Variants in RABGAP1 observed in about 807,000 individuals in gnomAD.
The protein encoded by RABGAP1 is rab GTPase-activating protein 1.
Under a neutral mutation model 137.6 loss-of-function variants are expected in RABGAP1, and 23 were observed. That is an observed-to-expected ratio of 0.17 (90% CI 0.12 to 0.24). RABGAP1 has a LOEUF of 0.24. Ranked by LOEUF, RABGAP1 falls within the 10% of genes least tolerant of loss-of-function variation. The pLI, the probability that RABGAP1 is intolerant of heterozygous loss-of-function variation, is 1.00. For missense variants in RABGAP1, 906 were observed against 1,275.8 expected (o/e 0.71, Z 4.42); for synonymous variants, 451 against 450.7 (o/e 1.00, Z -0.01).
intron 3 of RABGAP1, among the ~76,000 whole-genome samples, chr9:122,984,990 TC>T (rs1836290693): frequency 1.3e-4 from 1 of 7,612 alleles, no homozygotes; most frequent in Non-Finnish European, 2.4e-3. Context: ...TTTTTTTTTT[TC>T]CCCCCAGGAA....
intron 14 of RABGAP1, among the ~76,000 whole-genome samples, chr9:123,066,931 A>G (rs1200505320): frequency 6.6e-6 from 1 of 152,236 alleles, no homozygotes; most frequent in East Asian, 1.9e-4. Flanking sequence ...TTATTTATCA[A>G]TGTATTGTCA....
In RABGAP1 at chr9:123,015,621, A is replaced by G; in HGVS notation, c.1628A>G (p.Glu543Gly). 1 of 1,607,978 alleles carries G rather than the reference A, an allele frequency of 6.2e-7. No homozygotes were observed. Among genetic ancestry groups the G allele is most frequent in the Non-Finnish European group, 8.5e-7 (1 of 1,174,998 alleles). Reference protein sequence around the residue: ...CAEKILETWGELLSKWHLNLN... With the variant: ...CAEKILETWGGLLSKWHLNLN... Reference sequence around the variant, plus strand: ...GAAAAAATTCTTGAAACATGGGGAGAACTGTTGTCAAAATGGTAAGTTATG... The same window carrying G: ...GAAAAAATTCTTGAAACATGGGGAGGACTGTTGTCAAAATGGTAAGTTATG... Residue 543 changes from glutamate to glycine, a missense_variant, in exon 12 of 26, where the codon GAA (glutamate) becomes GGA (glycine). By Grantham distance (98) the Glu-to-Gly change is moderately conservative. This residue lies in a region of RABGAP1 where 212 missense variants were observed against 289.4 expected (regional missense o/e 0.73). Coordinates refer to ENST00000373647, the MANE Select transcript of RABGAP1 (RefSeq NM_012197.4).
rs762183060 is a variant in RABGAP1, at chr9:123,097,804, G to C, written c.2692G>C (p.Ala898Pro). 6.2e-7 allele frequency: 1 copy of C among 1,614,008 alleles called. No homozygotes were observed. Among genetic ancestry groups the C allele is most frequent in the Non-Finnish European group, 8.5e-7 (1 of 1,179,986 alleles). ...LLMTKQKLID[A>P]EEEKRRLEEE... ...GATGACCAAACAGAAGTTGATTGAT[G>C]CAGAAGAAGAGAAAAGACGGCTGGA... The change falls in exon 22 of 26, where the codon GCA becomes CCA. Residue 898 changes from alanine to proline, a missense_variant. Around this residue, in one of 9 missense-constraint regions of RABGAP1, gnomAD observed 193 missense variants for 248.1 expected, o/e 0.78. Transcript: ENST00000373647.
At chr9:123,027,744 C>T (rs1437766717) in intron 13 of RABGAP1, among the ~76,000 whole-genome samples, 1 of 152,130 alleles carries the variant, frequency 6.6e-6, no homozygotes, top group East Asian at 1.9e-4. Flanking sequence ...GTTGATTTTT[C>T]CTTAAGCTTT....
rs962181108 is a variant in RABGAP1, at chr9:123,097,664, T to C, written c.2629-77T>C. The C allele has an allele frequency of 1.3e-4, 164 of 1,229,746 alleles. No individual in the cohort carries two copies. The African/African-American group carries it at 2.2e-3, about 17-fold the overall frequency. The allele number at this position is 1,229,746 out of a possible 1,614,324, so 76.2% of individuals were successfully genotyped here. A position where few individuals can be genotyped will look rare whatever the true frequency, so the allele number is the denominator to read the frequency against. On this transcript the variant is annotated intron_variant, in intron 21 of 25. Coordinates refer to ENST00000373647, the MANE Select transcript of RABGAP1 (RefSeq NM_012197.4). ...TCAGAGTTTCCCCATCATCTTAAAATGGGATTATGCTAAGTAATGGAAATC... is the reference window on the plus strand; with the variant it reads ...TCAGAGTTTCCCCATCATCTTAAAACGGGATTATGCTAAGTAATGGAAATC...
chr9:122,980,022 C>G (rs570793791), intron 2 of RABGAP1, among the ~76,000 whole-genome samples: 1 of 152,342 alleles, frequency 6.6e-6, no homozygotes, highest in South Asian at 2.1e-4. Flanking sequence ...CCAGGTTCAA[C>G]AGACTATAGC....
rs1482227640 is a variant in RABGAP1 at position 122,984,602 on chromosome 9, G to A, written c.268G>A (p.Gly90Ser). The A allele has an allele frequency of 1.2e-6, 2 of 1,614,026 alleles. No individual in the cohort carries two copies. The highest frequency in any genetic ancestry group is 1.3e-5 in the African/African-American group (1 of 74,908). ...GCTTGTGAAAAGGTCACAACTGGAT[G>A]GTGAAGGAGATGGGCCTCTTTCTAA... The part of the protein sequence containing the change: ...KELVKRSQLD[G>S]EGDGPLSNQL... The change falls in exon 3 of 26, where the codon GGT (glycine) becomes AGT (serine). Residue 90 changes from glycine to serine, a missense_variant. Physicochemically the swap from Gly to Ser is moderately conservative, Grantham distance 56 (BLOSUM62 0). This residue lies in a region of RABGAP1 where 331 missense variants were observed against 358.3 expected (regional missense o/e 0.92). Coordinates refer to ENST00000373647, the MANE Select transcript of RABGAP1 (RefSeq NM_012197.4).
intron 25 of RABGAP1, among the ~76,000 whole-genome samples, chr9:123,102,454 G>C (rs751815066): frequency 6.6e-6 from 1 of 152,198 alleles, no homozygotes; most frequent in Non-Finnish European, 1.5e-5. Flanking sequence ...GGCAGGCCCT[G>C]TTATAGGTCT....
At chr9:123,034,473 T>A in intron 13 of RABGAP1, 1 of 771,328 alleles carries the variant, frequency 1.3e-6, no homozygotes, top group South Asian at 1.7e-5. Context: ...ATTACACACA[T>A]GCAAAGCTGA....
At chr9:123,065,624 A>C (rs1400763155) in intron 14 of RABGAP1, 163 bp downstream of exon 14, 2 of 616,774 alleles carry the variant, frequency 3.2e-6, no homozygotes, top group Admixed American at 5.6e-5. Context: ...TTTTAGATTC[A>C]TTAAAGAGTA....
chr9:122,941,003 G>C (rs1461163774), upstream of RABGAP1: 1 of 140,326 alleles, frequency 7.1e-6, no homozygotes, highest in Non-Finnish European at 1.6e-5. Context: ...AAAGGGGTGG[G>C]GGGGCGGGGA....
chr9:123,051,234 T>TTTG (rs2033451582), intron 13 of RABGAP1, among the ~76,000 whole-genome samples: 1 of 67,730 alleles, frequency 1.5e-5, no homozygotes, highest in Non-Finnish European at 3.0e-5. Context: ...TTTTTTTTTT[T>TTTG]TTTTTTTTTT....
intron 13 of RABGAP1, among the ~76,000 whole-genome samples, chr9:123,039,916 A>G (rs926551234): frequency 7.9e-5 from 12 of 152,036 alleles, no homozygotes; most frequent in African/African-American, 2.7e-4. Context: ...TTTTCTTACC[A>G]CACTATTGGT....
intron 9 of RABGAP1, among the ~76,000 whole-genome samples, 164 bp downstream of exon 9, chr9:122,997,525 A>G (rs1207612631): frequency 6.6e-6 from 1 of 152,200 alleles, no homozygotes; most frequent in Non-Finnish European, 1.5e-5. Flanking sequence ...CTATAAGCAA[A>G]GTATCACTTT....
At chr9:123,052,689 G>A (rs967327755) in intron 13 of RABGAP1, among the ~76,000 whole-genome samples, 1 of 152,200 alleles carries the variant, frequency 6.6e-6, no homozygotes, top group Non-Finnish European at 1.5e-5. Flanking sequence ...CAGCACTTTG[G>A]GAGGCTGAGG....
chr9:123,052,898 C>T (rs2033548509), intron 13 of RABGAP1, among the ~76,000 whole-genome samples: 1 of 152,206 alleles, frequency 6.6e-6, no homozygotes, highest in African/African-American at 2.4e-5. Context: ...CAAGATCACG[C>T]CACTGCACTC....
At chr9:122,932,001 T>C in the RABGAP1 span, among the ~76,000 whole-genome samples, 1 of 152,212 alleles carries the variant, frequency 6.6e-6, no homozygotes, top group South Asian at 2.1e-4. Flanking sequence ...TAGGGCAAAC[T>C]CTTGCACTCC....
At chr9:123,042,688 G>A (rs938350820) in intron 13 of RABGAP1, among the ~76,000 whole-genome samples, 14 of 152,102 alleles carry the variant, frequency 9.2e-5, no homozygotes, top group Admixed American at 4.6e-4. Flanking sequence ...CAAAACAGTC[G>A]GAGGTTTAAT....
intron 10 of RABGAP1, among the ~76,000 whole-genome samples, chr9:123,000,676 T>C (rs1477686676): frequency 6.6e-6 from 1 of 151,296 alleles, no homozygotes; most frequent in Non-Finnish European, 1.5e-5. Context: ...GCAATAGCCT[T>C]TTTTTTTTCT....
Sources: allele counts gnomAD v4.1 joint callset (sites outside exome capture counted in the v4.1 genomes callset), GRCh38; gene constraint gnomAD v4.1.1; regional missense constraint gnomAD v4.1.1; transcripts MANE v1.5; gene names NCBI Gene and HGNC (gene_info 2026-07-23, HGNC 2026-07-21).